NOS1: variants seen among roughly 807,000 people sequenced by gnomAD.
The protein encoded by NOS1 is NOS type I.
NOS1 carries 51 observed loss-of-function variants against 164.5 expected under a neutral mutation model. That is an observed-to-expected ratio of 0.31 (90% CI 0.25 to 0.39). NOS1 has a LOEUF of 0.39. NOS1 is among the 10% of genes least tolerant of loss of function. The pLI is 1.00. For missense variants in NOS1, 1,362 were observed against 1,885.6 expected, an observed-to-expected ratio of 0.72 and a Z score of 5.14; for synonymous variants, 719 against 745.8, an observed-to-expected ratio of 0.96 and a Z score of 0.59.
intron 1 of NOS1, among the ~76,000 whole-genome samples, chr12:117,357,680 C>A (rs1393310280): frequency 6.6e-6 from 1 of 152,166 alleles, no homozygotes; most frequent in Non-Finnish European, 1.5e-5. Context: ...TTTCCAGTCT[C>A]CCCCAGGAAT....
In NOS1 at chr12:117,208,663, A is replaced by C; in HGVS notation, c.*6646T>G. 1.8e-6 allele frequency: 2 copies of C among 1,115,272 alleles called. No homozygotes were observed. The highest frequency in any genetic ancestry group is 2.2e-6 in the Non-Finnish European group (2 of 903,180). The allele number at this position is 1,115,272 out of a possible 1,614,324, so 69.1% of individuals were successfully genotyped here. Reference sequence around the variant, plus strand: ...TGGATCTCAGTGAGTCTTAATCAGAACCAACACCAAGGACACAGTGTCTTA... The same window carrying C: ...TGGATCTCAGTGAGTCTTAATCAGACCCAACACCAAGGACACAGTGTCTTA... On this transcript the variant is annotated 3_prime_UTR_variant, in exon 29 of 29. Transcript: ENST00000317775.
intron 3 of NOS1, among the ~76,000 whole-genome samples, chr12:117,298,224 T>C (rs1873558378): frequency 6.6e-6 from 1 of 151,490 alleles, no homozygotes; most frequent in African/African-American, 2.4e-5. Context: ...CATTAGATTC[T>C]CATAAGCGCA....
At chr12:117,324,943 T>C (rs557526440) in intron 2 of NOS1, among the ~76,000 whole-genome samples, 1 of 151,980 alleles carries the variant, frequency 6.6e-6, no homozygotes, top group Non-Finnish European at 1.5e-5. Flanking sequence ...CATGGGGGAA[T>C]GGAAGAGATG....
At chr12:117,323,296 G>T (rs968477157) in intron 2 of NOS1, among the ~76,000 whole-genome samples, 2 of 152,316 alleles carry the variant, frequency 1.3e-5, no homozygotes, top group East Asian at 3.9e-4. Context: ...GCTACAACAG[G>T]CCAGGGGCAC....
chr12:117,325,072 C>T (rs577392616), intron 2 of NOS1, among the ~76,000 whole-genome samples: 9 of 152,292 alleles, frequency 5.9e-5, no homozygotes, highest in Middle Eastern at 3.4e-3. Context: ...CTTGGCTCCC[C>T]GACTGGCGTG....
At chr12:117,341,379 G>A (rs1876105761) in intron 1 of NOS1, among the ~76,000 whole-genome samples, 2 of 152,148 alleles carry the variant, frequency 1.3e-5, no homozygotes, top group Admixed American at 6.5e-5. Flanking sequence ...CCACTAGGGC[G>A]GGATGAGGAG....
chr12:117,208,182 G>T lies in NOS1; in HGVS notation c.*7127C>A. On this transcript the variant is annotated 3_prime_UTR_variant, in exon 29 of 29. Transcript: ENST00000317775. ...AATATTGTAACCATAATGCAAACAA[G>T]CATAATAGGCTTTTGTTGAATCCCA... is the stretch of plus-strand genomic sequence containing the variant. The T allele has an allele frequency of 2.2e-6, 2 of 930,050 alleles. No homozygotes were observed. The highest frequency in any genetic ancestry group is 2.9e-6 in the Non-Finnish European group (2 of 695,110). The allele number at this position is 930,050 out of a possible 1,614,324, so 57.6% of individuals were successfully genotyped here.
chr12:117,284,024 C>T (rs545497275), intron 7 of NOS1, among the ~76,000 whole-genome samples: 1 of 152,084 alleles, frequency 6.6e-6, no homozygotes, highest in African/African-American at 2.4e-5. Flanking sequence ...ATACCAATTC[C>T]TCATGCAGGC....
chr12:117,272,001 T>TA lies in NOS1; in HGVS notation c.1839+383dup, dbSNP rs1872822929. On this transcript the variant is annotated intron_variant, in intron 10 of 28. Coordinates refer to ENST00000317775, the MANE Select transcript of NOS1 (RefSeq NM_000620.5). This position sits in a 1 kb window ranked among gnomAD's most constrained non-coding sequence, Gnocchi z 4.3. ...ACCGAGAGGCAGCGGAGTGGAGTGG[T>TA]AATGAACTTGGAGCATGAAGTCAAA... Among the ~76,000 whole-genome samples, 3 of 152,118 alleles carry TA rather than the reference T, an allele frequency of 2.0e-5. No individual in the cohort carries two copies. In the South Asian group the frequency reaches 6.2e-4, roughly 32 times the overall value.
intron 27 of NOS1, among the ~76,000 whole-genome samples, chr12:117,219,114 G>A (rs943138844): frequency 7.9e-5 from 12 of 151,678 alleles, no homozygotes; most frequent in African/African-American, 2.9e-4. Flanking sequence ...GAGCAGCTGG[G>A]ACTACAGGCA....
intron 3 of NOS1, among the ~76,000 whole-genome samples, chr12:117,303,330 A>G (rs1223572994): frequency 6.6e-6 from 1 of 152,122 alleles, no homozygotes; most frequent in Non-Finnish European, 1.5e-5. Flanking sequence ...CTCTCTAGAG[A>G]AGCTGGGGGG....
chr12:117,302,852 TC>T (rs147368659), intron 3 of NOS1, among the ~76,000 whole-genome samples: 6,935 of 151,832 alleles, frequency 0.046, 459 homozygotes, highest in African/African-American at 0.14. Flanking sequence ...TTCAAGCAAT[TC>T]CCCCGCCTCA....
intron 20 of NOS1, among the ~76,000 whole-genome samples, chr12:117,241,159 C>T (rs1468983247): frequency 1.3e-5 from 2 of 151,888 alleles, no homozygotes; most frequent in Non-Finnish European, 2.9e-5. Flanking sequence ...AGGCTGGTCT[C>T]GAACTCCTGA....
At chr12:117,348,783 C>T (rs1332070733) in intron 1 of NOS1, among the ~76,000 whole-genome samples, 1 of 152,124 alleles carries the variant, frequency 6.6e-6, no homozygotes, top group African/African-American at 2.4e-5. Flanking sequence ...AGGTGTCAAG[C>T]CCGTGGGAGA....
intron 10 of NOS1, among the ~76,000 whole-genome samples, chr12:117,269,231 G>C (rs1261220903): frequency 6.6e-6 from 1 of 152,130 alleles, no homozygotes; most frequent in Non-Finnish European, 1.5e-5. Context: ...CAGATCTGGG[G>C]AGAGAGTGCT....
intron 2 of NOS1, among the ~76,000 whole-genome samples, chr12:117,312,275 G>T (rs1566071604): frequency 6.6e-6 from 1 of 152,100 alleles, no homozygotes; most frequent in Non-Finnish European, 1.5e-5. Flanking sequence ...CCCTGTGTTG[G>T]CCAGACTGAT....
chr12:117,211,206 C>T lies in NOS1; in HGVS notation c.*4103G>A, dbSNP rs111412016. 1.2e-3 allele frequency: 1,200 copies of T among 971,168 alleles called. 12 individuals carry two copies. The African/African-American group carries it at 0.019, about 15-fold the overall frequency. The allele number at this position is 971,168 out of a possible 1,614,324, so 60.2% of individuals were successfully genotyped here. A position where few individuals can be genotyped will look rare whatever the true frequency, so the allele number is the denominator to read the frequency against. On this transcript the variant is annotated 3_prime_UTR_variant, in exon 29 of 29. Transcript: ENST00000317775. Reference sequence around the variant, plus strand: ...CTCCTGACCTCAACTGATACACCCACCTCGGCCTCCCAAAGTGCTGGGATT... The same window carrying T: ...CTCCTGACCTCAACTGATACACCCATCTCGGCCTCCCAAAGTGCTGGGATT...
In NOS1 at chr12:117,213,290, A is replaced by G; in HGVS notation, c.*2019T>C. On this transcript the variant is annotated 3_prime_UTR_variant, in exon 29 of 29. Transcript: ENST00000317775. ...GATTGGAAAGAAAGCCTTTGGGAGGAAAGCTACTAGGAGCTGGAAATGGGT... is the reference window on the plus strand; with the variant it reads ...GATTGGAAAGAAAGCCTTTGGGAGGGAAGCTACTAGGAGCTGGAAATGGGT... The G allele has an allele frequency of 3.0e-6, 3 of 985,508 alleles. No individual in the cohort carries two copies. The highest frequency in any genetic ancestry group is 3.6e-6 in the Non-Finnish European group (3 of 830,004). 61.0% of individuals were successfully genotyped at this position (985,508 alleles called of 1,614,324 possible).
chr12:117,347,683 A>C (rs540058394), intron 1 of NOS1, among the ~76,000 whole-genome samples: 12 of 152,328 alleles, frequency 7.9e-5, no homozygotes, highest in African/African-American at 2.6e-4. Flanking sequence ...CAGTCGATCC[A>C]GGTGTTTGAT....
Sources: allele counts gnomAD v4.1 joint callset (sites outside exome capture counted in the v4.1 genomes callset), GRCh38; gene constraint gnomAD v4.1.1; non-coding constraint Gnocchi (gnomAD v3.1); transcripts MANE v1.5; gene names NCBI Gene and HGNC (gene_info 2026-07-23, HGNC 2026-07-21).